MYH10: variants seen among roughly 807,000 people sequenced by gnomAD.
The protein encoded by MYH10 is myosin heavy chain 10, also known as myosin-10.
MYH10 carries 55 observed loss-of-function variants against 257.8 expected under a neutral mutation model. The observed-to-expected ratio is 0.21, with a 90% CI of 0.17 to 0.27. MYH10 has a LOEUF of 0.27. Ranked by LOEUF, MYH10 falls within the 10% of genes least tolerant of loss-of-function variation. MYH10 has a pLI of 1.00. For missense variants in MYH10, 1,631 were observed against 2,500.6 expected, an observed-to-expected ratio of 0.65 and a Z score of 7.42; for synonymous variants, 854 against 921.7, an observed-to-expected ratio of 0.93 and a Z score of 1.33.
At chr17:8,561,860 C>T (rs113138508) in intron 7 of MYH10, among the ~76,000 whole-genome samples, 195 of 152,102 alleles carry the variant, frequency 1.3e-3, no homozygotes, top group African/African-American at 4.2e-3. Flanking sequence ...AAATATCTTT[C>T]GGCTAGATGC....
At chr17:8,573,821 TGAA>T in intron 6 of MYH10, 1 of 973,208 alleles carries the variant, frequency 1.0e-6, no homozygotes, top group Non-Finnish European at 1.2e-6. Context: ...ATTTTGAAAA[TGAA>T]GATGAAATTT....
chr17:8,560,989 A>C (rs368991831), intron 7 of MYH10: 2 of 507,912 alleles, frequency 3.9e-6, no homozygotes, highest in East Asian at 3.9e-5. Flanking sequence ...GTTTGATCTT[A>C]ACCACCAAAT....
intron 40 of MYH10, 99 bp downstream of exon 40, chr17:8,480,011 C>T: frequency 8.5e-7 from 1 of 1,177,402 alleles, no homozygotes; most frequent in Non-Finnish European, 1.2e-6. Context: ...GTGTTCTCTG[C>T]CCACGTGGTG....
intron 2 of MYH10, among the ~76,000 whole-genome samples, chr17:8,610,138 C>T (rs1466112740): frequency 6.6e-6 from 1 of 151,820 alleles, no homozygotes; most frequent in Non-Finnish European, 1.5e-5. Context: ...TGACTCACTA[C>T]TGATCAATCT....
At chr17:8,491,628 A>G (rs1915791776) in intron 34 of MYH10, among the ~76,000 whole-genome samples, 1 of 152,240 alleles carries the variant, frequency 6.6e-6, no homozygotes, top group African/African-American at 2.4e-5. Context: ...TTAGGCTTCA[A>G]AAGCTTAAGT....
chr17:8,475,796 C>T lies in MYH10; in HGVS notation c.*8G>A, dbSNP rs1912471844. 6.2e-7 allele frequency: 1 copy of T among 1,613,484 alleles called. No individual in the cohort carries two copies. Among genetic ancestry groups the T allele is most frequent in the Non-Finnish European group, 8.5e-7 (1 of 1,179,586 alleles). ...CCACTGTATTGCCTCCTCTGGCTTC[C>T]TGCAACTTTACTCTGACTGGGGTGG... On this transcript the variant is annotated 3_prime_UTR_variant, in exon 43 of 43. Coordinates refer to ENST00000360416, the MANE Select transcript of MYH10 (RefSeq NM_001256012.3).
At chr17:8,486,992 C>G (rs962310450) in intron 36 of MYH10, among the ~76,000 whole-genome samples, 4 of 152,192 alleles carry the variant, frequency 2.6e-5, no homozygotes, top group Non-Finnish European at 4.4e-5. Context: ...TAGGTGAGGG[C>G]CCCCTGCCTG....
intron 3 of MYH10, among the ~76,000 whole-genome samples, chr17:8,602,459 T>A (rs1357007430): frequency 6.6e-6 from 1 of 152,244 alleles, no homozygotes; most frequent in African/African-American, 2.4e-5. Flanking sequence ...CCTAGATTGA[T>A]TGGCATTGGT....
At chr17:8,577,173 A>G (rs2083530132) in intron 5 of MYH10, 63 bp downstream of exon 5, 3 of 1,370,194 alleles carry the variant, frequency 2.2e-6, no homozygotes, top group Non-Finnish European at 3.1e-6. Flanking sequence ...TGGCTTCCTT[A>G]TTTTTGTTTC....
chr17:8,561,027 C>G, intron 7 of MYH10: 1 of 558,910 alleles, frequency 1.8e-6, no homozygotes, highest in South Asian at 2.1e-5. Context: ...AGGAGAGCAT[C>G]CCTCCATCCC....
At chr17:8,485,442 C>CA (rs1312808525) in intron 36 of MYH10, among the ~76,000 whole-genome samples, 3 of 143,936 alleles carry the variant, frequency 2.1e-5, no homozygotes, top group Non-Finnish European at 4.5e-5. Context: ...AATAAACTAT[C>CA]AAAACCCAAG....
intron 16 of MYH10, among the ~76,000 whole-genome samples, chr17:8,531,874 T>C (rs1043429457): frequency 2.0e-5 from 3 of 152,198 alleles, no homozygotes; most frequent in Admixed American, 2.0e-4. Flanking sequence ...AGAGAAAAAT[T>C]GCTCCCCTTA....
In MYH10 at chr17:8,548,177, T is replaced by A. The variant is rs1041275398; in HGVS notation, c.1159+136A>T. On this transcript the variant is annotated intron_variant, in intron 11 of 42. Transcript: ENST00000360416. ...AGAATCAGAGGAACCCTCGTGTAAA[T>A]ACACGATGTTGTCACTCTACTCAAG... 44 of 607,124 alleles carry A rather than the reference T, an allele frequency of 7.2e-5. 1 individual carries two copies. Among genetic ancestry groups the A allele is most frequent in the Non-Finnish European group, 2.3e-5 (8 of 349,646 alleles). The allele number at this position is 607,124 out of a possible 1,614,324, so 37.6% of individuals were successfully genotyped here.
chr17:8,579,140 G>A (rs2152025136), intron 4 of MYH10, among the ~76,000 whole-genome samples: 1 of 152,212 alleles, frequency 6.6e-6, no homozygotes, highest in East Asian at 1.9e-4. Flanking sequence ...TCAGCTGGGT[G>A]TGGTAACTCC....
intron 3 of MYH10, among the ~76,000 whole-genome samples, chr17:8,592,964 T>TATAA (rs1567953192): frequency 1.1e-4 from 13 of 119,916 alleles, no homozygotes; most frequent in African/African-American, 4.1e-4. Context: ...TATATATATA[T>TATAA]ATATATAAAA....
intron 35 of MYH10, among the ~76,000 whole-genome samples, chr17:8,489,746 C>CACACACACACACACACACACACACACA (rs1451899373): frequency 2.2e-4 from 33 of 149,596 alleles, no homozygotes; most frequent in South Asian, 4.2e-4. Flanking sequence ...CACACACACA[C>CACACACACACACACACACACACACACA]CCCAAATCCA....
chr17:8,528,842 C>G (rs2081934572), intron 17 of MYH10, among the ~76,000 whole-genome samples: 1 of 152,184 alleles, frequency 6.6e-6, no homozygotes, highest in Admixed American at 6.5e-5. Context: ...TTGCTGTAAA[C>G]TATTACACAC....
chr17:8,521,101 G>A lies in MYH10; in HGVS notation c.2142C>T (p.His714=), dbSNP rs575766377. Residue 714 remains histidine, a synonymous_variant, in exon 18 of 43, where the codon CAC becomes CAT. Transcript: ENST00000360416. ...PNFVRCIIPN[H]EKRAGKLDPH... is the part of the protein sequence containing the mutation. Reference sequence around the variant, plus strand: ...TTTGCTCAGCACGTACCCTCTTCTCGTGATTTGGAATGATACAACGAACAA... The same window carrying A: ...TTTGCTCAGCACGTACCCTCTTCTCATGATTTGGAATGATACAACGAACAA... The A allele has an allele frequency of 7.4e-6, 12 of 1,614,204 alleles. No individual in the cohort carries two copies. The African/African-American group carries it at 9.3e-5, about 13-fold the overall frequency.
chr17:8,566,712 TA>T (rs1477815470), intron 7 of MYH10, among the ~76,000 whole-genome samples: 1 of 152,252 alleles, frequency 6.6e-6, no homozygotes, highest in East Asian at 1.9e-4. Context: ...AACCATGAGA[TA>T]ATCGATGCCT....
Sources: allele counts gnomAD v4.1 joint callset (sites outside exome capture counted in the v4.1 genomes callset), GRCh38; gene constraint gnomAD v4.1.1; transcripts MANE v1.5; gene names NCBI Gene and HGNC (gene_info 2026-07-23, HGNC 2026-07-21).